The following RGS14 variants were observed in gnomAD, a reference collection of about 807,000 sequenced individuals.
RGS14 encodes regulator of G-protein signaling 14.
RGS14 carries 33 observed loss-of-function variants against 63.8 expected under a neutral mutation model. The observed-to-expected ratio is 0.52, with a 90% CI of 0.39 to 0.69. The LOEUF is 0.69. Ranked by LOEUF, RGS14 falls within the 30% of genes least tolerant of loss-of-function variation. The pLI is 0.00. For missense variants in RGS14, 739 were observed against 742.9 expected (o/e 0.99, Z 0.06); for synonymous variants, 296 against 320.9 (o/e 0.92, Z 0.83).
Position 177,371,063 on chromosome 5 carries a change from C to CGGGGCGGGGCGGGGCG in RGS14, c.1254+37_1254+38insGGGGCGGGGCGGGGGC, listed in dbSNP as rs1762238661. On this transcript the variant is annotated intron_variant, in intron 11 of 14. Transcript: ENST00000408923. The surrounding 1 kb of genome is among the most constrained non-coding windows in gnomAD (Gnocchi z 6.1). The stretch of plus-strand genomic sequence containing the variant: ...TTCCGGGCCGCGGGGCGGGGCGGGG[C>CGGGGCGGGGCGGGGCG]GGGGCCGGGCCGGGGCCGGGGCCGG... The CGGGGCGGGGCGGGGCG allele has an allele frequency of 1.7e-6, 1 of 598,828 alleles. No homozygotes were observed. The highest frequency in any genetic ancestry group is 4.2e-5 in the African/African-American group (1 of 23,574). 37.1% of individuals were successfully genotyped at this position (598,828 alleles called of 1,614,324 possible). A position where few individuals can be genotyped will look rare whatever the true frequency, so the allele number is the denominator to read the frequency against.
rs763733893 is a variant in RGS14, at chr5:177,371,278, G to T, written c.1336+32G>T. ...GACGCTGGCCTCGGGGCTTGATCTG[G>T]AACAGCTGTGGCCCAGGAGGAAGGG... On this transcript the variant is annotated intron_variant, in intron 12 of 14. Coordinates refer to ENST00000408923, the MANE Select transcript of RGS14 (RefSeq NM_006480.5). The surrounding 1 kb of genome is among the most constrained non-coding windows in gnomAD (Gnocchi z 6.1). 3.7e-6 allele frequency: 6 copies of T among 1,614,028 alleles called. No individual in the cohort carries two copies. Among genetic ancestry groups the T allele is most frequent in the Non-Finnish European group, 5.1e-6 (6 of 1,179,934 alleles).
At chr5:177,366,629 C>A in intron 3 of RGS14, 79 bp from the exon 4 acceptor site, 1 of 1,403,120 alleles carries the variant, frequency 7.1e-7, no homozygotes, top group Non-Finnish European at 1.0e-6. Flanking sequence ...GTCTCTGTCC[C>A]AATCTTTTTG....
chr5:177,364,934 C>G lies in RGS14; in HGVS notation c.46-1029C>G, dbSNP rs1259760179. Among the ~76,000 whole-genome samples, 1 of 152,184 alleles carries G rather than the reference C, an allele frequency of 6.6e-6. No homozygotes were observed. Among genetic ancestry groups the G allele is most frequent in the East Asian group, 1.9e-4 (1 of 5,198 alleles). On this transcript the variant is annotated intron_variant, in intron 1 of 14. Transcript: ENST00000408923. This position sits in a 1 kb window ranked among gnomAD's most constrained non-coding sequence, Gnocchi z 4.6. ...AGAAATGGACAGCCTCAGGCCCCAT[C>G]TTGGACCTACTGAACCTGAATCTCC...
chr5:177,371,089 G>A lies in RGS14; in HGVS notation c.1254+58G>A. 7 of 739,198 alleles carry A rather than the reference G, an allele frequency of 9.5e-6. No individual in the cohort carries two copies. The highest frequency in any genetic ancestry group is 1.2e-5 in the Non-Finnish European group (7 of 606,778). 45.8% of individuals were successfully genotyped at this position (739,198 alleles called of 1,614,324 possible). A position where few individuals can be genotyped will look rare whatever the true frequency, so the allele number is the denominator to read the frequency against. On this transcript the variant is annotated intron_variant, in intron 11 of 14. Coordinates refer to ENST00000408923, the MANE Select transcript of RGS14 (RefSeq NM_006480.5). The surrounding 1 kb of genome is among the most constrained non-coding windows in gnomAD (Gnocchi z 6.1). ...GGGGCCGGGCCGGGGCCGGGGCCGG[G>A]GCCGGGGCCGGGGCCGGGGCCGGGG...
chr5:177,371,120 G>T lies in RGS14; in HGVS notation c.1255-45G>T. ...GGCCGGGGCCGGGGCCGGGGCCGGG[G>T]CCGGGCGGAGGCCTGTACCGCGGGC... is the stretch of plus-strand genomic sequence containing the variant. On this transcript the variant is annotated intron_variant, in intron 11 of 14. Coordinates refer to ENST00000408923, the MANE Select transcript of RGS14 (RefSeq NM_006480.5). The surrounding 1 kb of genome is among the most constrained non-coding windows in gnomAD (Gnocchi z 6.1). The T allele has an allele frequency of 7.2e-7, 1 of 1,396,620 alleles. No homozygotes were observed. The allele number at this position is 1,396,620 out of a possible 1,614,324, so 86.5% of individuals were successfully genotyped here. A position where few individuals can be genotyped will look rare whatever the true frequency, so the allele number is the denominator to read the frequency against.
At chr5:177,367,251 G>A (rs933206583) in intron 5 of RGS14, 163 bp from the exon 6 acceptor site, 2 of 1,146,396 alleles carry the variant, frequency 1.7e-6, no homozygotes, top group African/African-American at 1.6e-5. Flanking sequence ...CTCGGGGCGG[G>A]CTTGGACCCC....
At chr5:177,360,571 A>T (rs1454956232) in intron 1 of RGS14, among the ~76,000 whole-genome samples, 2 of 135,668 alleles carry the variant, frequency 1.5e-5, no homozygotes, top group Admixed American at 1.4e-4. Flanking sequence ...TATATTAAAA[A>T]AAAAAAAAAA....
chr5:177,371,415 G>C lies in RGS14; in HGVS notation c.1383+19G>C. The C allele has an allele frequency of 6.2e-7, 1 of 1,614,078 alleles. No homozygotes were observed. Among genetic ancestry groups the C allele is most frequent in the Non-Finnish European group, 8.5e-7 (1 of 1,180,004 alleles). On this transcript the variant is annotated intron_variant, in intron 13 of 14. Coordinates refer to ENST00000408923, the MANE Select transcript of RGS14 (RefSeq NM_006480.5). The surrounding 1 kb of genome is among the most constrained non-coding windows in gnomAD (Gnocchi z 6.1). ...CAGCCAGGTGAGCGAAAGGCGAGTG[G>C]CCTCTTCCACCCTCTGCTTCTCCCC...
At chr5:177,367,078 G>C (rs1699562393) in intron 5 of RGS14, 44 bp downstream of exon 5, 1 of 1,573,118 alleles carries the variant, frequency 6.4e-7, no homozygotes, top group South Asian at 1.2e-5. Context: ...GAGACAAAAG[G>C]AGCAGGGGCG....
chr5:177,366,639 G>A (rs1762098784), intron 3 of RGS14, 69 bp from the exon 4 acceptor site: 1 of 1,462,746 alleles, frequency 6.8e-7, no homozygotes, highest in Non-Finnish European at 9.6e-7. Flanking sequence ...CAATCTTTTT[G>A]ATCACATCCC....
At position 177,371,072 on chromosome 5, in the gene RGS14, GC is replaced by G; in HGVS notation, c.1254+43del. On this transcript the variant is annotated intron_variant, in intron 11 of 14. Transcript: ENST00000408923. This position sits in a 1 kb window ranked among gnomAD's most constrained non-coding sequence, Gnocchi z 6.1. The stretch of plus-strand genomic sequence containing the variant: ...GCGGGGCGGGGCGGGGCGGGGCCGG[GC>G]CGGGGCCGGGGCCGGGGCCGGGGCC... 6.2e-6 allele frequency: 1 copy of G among 162,422 alleles called. No individual in the cohort carries two copies. Among genetic ancestry groups the G allele is most frequent in the African/African-American group, 7.5e-5 (1 of 13,420 alleles). 10.1% of individuals were successfully genotyped at this position (162,422 alleles called of 1,614,324 possible).
chr5:177,369,223 C>T (rs973588865), intron 9 of RGS14: 1 of 467,164 alleles, frequency 2.1e-6, no homozygotes, highest in Non-Finnish European at 3.9e-6. Context: ...CCCATCCCCA[C>T]AGACCCATCC....
rs1761889807 is a variant in RGS14, at chr5:177,358,882, A to C, written c.45+813A>C. On this transcript the variant is annotated intron_variant, in intron 1 of 14. Transcript: ENST00000408923. This position sits in a 1 kb window ranked among gnomAD's most constrained non-coding sequence, Gnocchi z 4.8. ...GCCCACCACCAGGCCCCAGCCTAGT[A>C]TCACGGGCCAAAGCCAGTGGCTCTA... 6.6e-6 allele frequency among the ~76,000 whole-genome samples: 1 copy of C among 152,224 alleles called. No individual in the cohort carries two copies. Among genetic ancestry groups the C allele is most frequent in the Non-Finnish European group, 1.5e-5 (1 of 68,034 alleles).
In RGS14 at chr5:177,364,079, A is replaced by G. The variant is rs1466654878; in HGVS notation, c.46-1884A>G. 6.6e-6 allele frequency among the ~76,000 whole-genome samples: 1 copy of G among 152,192 alleles called. No individual in the cohort carries two copies. Among genetic ancestry groups the G allele is most frequent in the Non-Finnish European group, 1.5e-5 (1 of 68,048 alleles). On this transcript the variant is annotated intron_variant, in intron 1 of 14. Transcript: ENST00000408923. This position sits in a 1 kb window ranked among gnomAD's most constrained non-coding sequence, Gnocchi z 4.6. Reference sequence around the variant, plus strand: ...CCAAGGTAATAGTAATTTCCCACATATCTGCAGACCGGATCTGGCCCACAG... The same window carrying G: ...CCAAGGTAATAGTAATTTCCCACATGTCTGCAGACCGGATCTGGCCCACAG...
Position 177,371,508 on chromosome 5 carries a change from C to T in RGS14, c.1417C>T (p.His473Tyr), listed in dbSNP as rs765923339. The T allele has an allele frequency of 9.3e-6, 15 of 1,614,012 alleles. No homozygotes were observed. Among genetic ancestry groups the T allele is most frequent in the Non-Finnish European group, 1.3e-5 (15 of 1,180,018 alleles). ...CPPRTQDKATHPPPASPSSLV... is the reference protein window; with the variant it reads ...CPPRTQDKATYPPPASPSSLV... The stretch of plus-strand genomic sequence containing the variant: ...ACCTAGAACTCAGGATAAGGCCACC[C>T]ATCCCCCTCCAGCGTCCCCCAGTTC... Residue 473 changes from histidine (H) to tyrosine (Y), a missense_variant, in exon 14 of 15, where the codon CAT becomes TAT. Coordinates refer to ENST00000408923, the MANE Select transcript of RGS14 (RefSeq NM_006480.5). This position sits in a 1 kb window ranked among gnomAD's most constrained non-coding sequence, Gnocchi z 6.1.
chr5:177,359,500 G>A lies in RGS14; in HGVS notation c.45+1431G>A, dbSNP rs1248441209. On this transcript the variant is annotated intron_variant, in intron 1 of 14. Transcript: ENST00000408923. This position sits in a 1 kb window ranked among gnomAD's most constrained non-coding sequence, Gnocchi z 4.4. ...GCCTAGAACTACAGGGCAGCAGAGG[G>A]GGCCCAGAGACAGACCCAGCCCCTG... is the stretch of plus-strand genomic sequence containing the variant. Among the ~76,000 whole-genome samples the A allele has an allele frequency of 6.6e-6, 1 of 152,118 alleles. No individual in the cohort carries two copies. Among genetic ancestry groups the A allele is most frequent in the African/African-American group, 2.4e-5 (1 of 41,416 alleles).
chr5:177,366,589 C>T (rs1204715670), intron 3 of RGS14, 119 bp from the exon 4 acceptor site: 1 of 931,168 alleles, frequency 1.1e-6, no homozygotes, highest in African/African-American at 1.9e-5. Flanking sequence ...TCTGTCTGGC[C>T]CTGTCTGTCT....
At position 177,372,396 on chromosome 5, in the gene RGS14, C is replaced by T. The variant is rs1380204921; in HGVS notation, c.*321C>T. 6.5e-6 allele frequency: 2 copies of T among 310,064 alleles called. No homozygotes were observed. The highest frequency in any genetic ancestry group is 4.7e-5 in the Admixed American group (1 of 21,252). 19.2% of individuals were successfully genotyped at this position (310,064 alleles called of 1,614,324 possible). A position where few individuals can be genotyped will look rare whatever the true frequency, so the allele number is the denominator to read the frequency against. On this transcript the variant is annotated 3_prime_UTR_variant, in exon 15 of 15. Coordinates refer to ENST00000408923, the MANE Select transcript of RGS14 (RefSeq NM_006480.5). ...CAGTGCCAGCCTCCCCAGCCTGTGC[C>T]AAGCTTCAACAGGGGCAAGAGGAGG...
intron 3 of RGS14, 63 bp downstream of exon 3, chr5:177,366,418 T>G (rs1762094379): frequency 1.4e-6 from 2 of 1,422,688 alleles, no homozygotes; most frequent in African/African-American, 1.4e-5. Context: ...GGATGGAGCT[T>G]CAGGCTGGCC....
Sources: gnomAD v4.1 joint callset for allele counts (sites outside exome capture counted in the v4.1 genomes callset) on GRCh38, gnomAD v4.1.1 for gene constraint, Gnocchi (gnomAD v3.1) non-coding constraint, MANE v1.5 for transcripts, NCBI Gene and HGNC (gene_info 2026-07-23, HGNC 2026-07-21) for gene names.